TNNI3K: variants seen among roughly 807,000 people sequenced by gnomAD.
TNNI3K encodes the protein serine/threonine-protein kinase TNNI3K.
A neutral mutation model predicts 114.5 loss-of-function variants in TNNI3K; 140 were observed. That is an observed-to-expected ratio of 1.22 (90% confidence interval 1.07 to 1.41). TNNI3K has a LOEUF of 1.41. Among genes scored for constraint, TNNI3K ranks in the 40% most tolerant of loss-of-function variants. The pLI is 0.00. For missense variants in TNNI3K, 1,125 were observed against 1,007.6 expected (o/e 1.12, Z -1.58); for synonymous variants, 347 against 347.5 (o/e 1.00, Z 0.02).
At chr1:74,529,868 G>A (rs1353239569) in intron 23 of TNNI3K, among the ~76,000 whole-genome samples, 2 of 152,106 alleles carry the variant, frequency 1.3e-5, no homozygotes, top group Admixed American at 1.3e-4. Context: ...CCCACCCCTT[G>A]TGAACCAGGG....
chr1:74,469,603 C>G (rs1019666499), intron 21 of TNNI3K: 6 of 278,784 alleles, frequency 2.2e-5, no homozygotes, highest in Non-Finnish European at 3.9e-5. Flanking sequence ...TGTTTGCTTG[C>G]TTTTGCAAGA....
chr1:74,471,741 T>C (rs998157147), intron 21 of TNNI3K: 41 of 403,250 alleles, frequency 1.0e-4, no homozygotes, highest in African/African-American at 8.2e-4. Context: ...TCTTGGTTTT[T>C]GTTGATAATC....
chr1:74,352,244 G>A (rs953314099), intron 9 of TNNI3K, among the ~76,000 whole-genome samples: 1 of 151,618 alleles, frequency 6.6e-6, no homozygotes, highest in African/African-American at 2.4e-5. Flanking sequence ...TCCAGACCCT[G>A]TTTGCCTGGG....
intron 9 of TNNI3K, among the ~76,000 whole-genome samples, chr1:74,348,464 T>C (rs1661143638): frequency 6.6e-6 from 1 of 152,224 alleles, no homozygotes; most frequent in South Asian, 2.1e-4. Flanking sequence ...TTGCTTAGGA[T>C]TGACTTGGCA....
chr1:74,302,286 A>G (rs1658373818), intron 5 of TNNI3K, among the ~76,000 whole-genome samples: 1 of 152,154 alleles, frequency 6.6e-6, no homozygotes, highest in South Asian at 2.1e-4. Flanking sequence ...CCATTTTCCC[A>G]TCTCTCTTTC....
At chr1:74,330,098 C>T (rs372013453) in intron 5 of TNNI3K, among the ~76,000 whole-genome samples, 12 of 151,886 alleles carry the variant, frequency 7.9e-5, no homozygotes, top group African/African-American at 2.7e-4. Context: ...AAGAGAGACT[C>T]GAAGACAGGT....
chr1:74,270,040 C>T (rs994193327), intron 4 of TNNI3K, among the ~76,000 whole-genome samples: 1 of 151,766 alleles, frequency 6.6e-6, no homozygotes, highest in East Asian at 1.9e-4. Context: ...GATAGTTTAC[C>T]TTTAGAAATT....
At chr1:74,472,496 G>A (rs1346515749) in intron 21 of TNNI3K, among the ~76,000 whole-genome samples, 1 of 152,092 alleles carries the variant, frequency 6.6e-6, no homozygotes, top group Non-Finnish European at 1.5e-5. Flanking sequence ...GGTTAGGTTA[G>A]CTTTAAATAT....
intron 17 of TNNI3K, among the ~76,000 whole-genome samples, chr1:74,385,338 T>C (rs969322343): frequency 3.9e-5 from 6 of 152,160 alleles, no homozygotes; most frequent in African/African-American, 1.2e-4. Flanking sequence ...TATATAACTG[T>C]TAAAACTCAT....
At chr1:74,334,828 T>G (rs1346416140) in intron 6 of TNNI3K, among the ~76,000 whole-genome samples, 2 of 152,080 alleles carry the variant, frequency 1.3e-5, no homozygotes, top group African/African-American at 4.8e-5. Context: ...GAAGGAGACT[T>G]TGGAAGAGAT....
chr1:74,471,096 T>G (rs1667909171), intron 21 of TNNI3K: 1 of 400,648 alleles, frequency 2.5e-6, no homozygotes, highest in South Asian at 1.3e-4. Flanking sequence ...TGGGTGTAGG[T>G]TGGGGCAATT....
chr1:74,411,063 C>T (rs937930014), intron 17 of TNNI3K, among the ~76,000 whole-genome samples: 2 of 152,144 alleles, frequency 1.3e-5, no homozygotes, highest in Non-Finnish European at 2.9e-5. Context: ...TTCTAATGAT[C>T]TTCCACATTT....
At chr1:74,428,988 A>G (rs1665767089) in intron 17 of TNNI3K, among the ~76,000 whole-genome samples, 1 of 152,092 alleles carries the variant, frequency 6.6e-6, no homozygotes, top group Non-Finnish European at 1.5e-5. Context: ...CCATGAACTT[A>G]AAGTATGCGA....
At chr1:74,433,751 T>A (rs79502743) in intron 17 of TNNI3K, among the ~76,000 whole-genome samples, 3,151 of 152,152 alleles carry the variant, frequency 0.021, 109 homozygotes, top group African/African-American at 0.07. Flanking sequence ...TATAGTTGTT[T>A]ATCAGGTGGG....
chr1:74,441,951 T>G (rs1666391542), intron 20 of TNNI3K, among the ~76,000 whole-genome samples: 3 of 152,160 alleles, frequency 2.0e-5, no homozygotes, highest in South Asian at 4.1e-4. Context: ...AAAGAGCAGA[T>G]GTTTTTAATG....
intron 4 of TNNI3K, among the ~76,000 whole-genome samples, chr1:74,255,051 G>T (rs1389954934): frequency 6.6e-6 from 1 of 152,172 alleles, no homozygotes; most frequent in African/African-American, 2.4e-5. Flanking sequence ...GGTCTGTTCA[G>T]TAAACATTAT....
intron 17 of TNNI3K, chr1:74,402,041 G>A (rs990819796): frequency 4.1e-5 from 9 of 218,992 alleles, no homozygotes; most frequent in Non-Finnish European, 6.4e-5. Context: ...GAATAATCTG[G>A]TTCTCATCCT....
At chr1:74,435,967 A>G (rs372069897) in intron 17 of TNNI3K, 113 bp from the exon 18 acceptor site, 8 of 1,371,842 alleles carry the variant, frequency 5.8e-6, no homozygotes, top group Non-Finnish European at 7.8e-6. Flanking sequence ...GGGCCCATTT[A>G]TTCTCTAGGG....
intron 5 of TNNI3K, among the ~76,000 whole-genome samples, chr1:74,308,412 T>A (rs1267363885): frequency 1.3e-5 from 2 of 152,176 alleles, no homozygotes; most frequent in Non-Finnish European, 2.9e-5. Flanking sequence ...CCTGAATGAC[T>A]TTTGAATAAA....
Sources: allele counts gnomAD v4.1 joint callset (sites outside exome capture counted in the v4.1 genomes callset), GRCh38; gene constraint gnomAD v4.1.1; transcripts MANE v1.5; gene names NCBI Gene and HGNC (gene_info 2026-07-23, HGNC 2026-07-21).